The following SLC18A2 variants were observed in gnomAD, a reference collection of about 807,000 sequenced individuals.
SLC18A2 encodes synaptic vesicular amine transporter.
In SLC18A2, 33 loss-of-function variants were observed where a neutral mutation model predicts 59.2. The observed-to-expected ratio is 0.56, with a 90% CI of 0.42 to 0.75. The LOEUF (loss-of-function observed/expected upper bound fraction) is 0.75, where lower values mean the gene tolerates loss of function less well. SLC18A2 is among the 30% of genes least tolerant of loss of function. The probability of loss-of-function intolerance (pLI) is 0.00; values close to 1 mark genes in which losing one functional copy is unlikely to be tolerated. For synonymous variants in SLC18A2, 228 were observed against 253.5 expected (o/e 0.90, Z 0.95); for missense variants, 569 against 668.6 (o/e 0.85, Z 1.64).
chr10:117,268,317 T>C (rs576158022), intron 13 of SLC18A2: 1 of 152,800 alleles, frequency 6.5e-6, no homozygotes, highest in Non-Finnish European at 1.5e-5. Flanking sequence ...TCCACCCCTG[T>C]AGAAGCAGGA....
At position 117,254,004 on chromosome 10, in the gene SLC18A2, C is replaced by T. The variant is rs1395558405; in HGVS notation, c.524-44C>T. 3 of 1,582,280 alleles carry T rather than the reference C, an allele frequency of 1.9e-6. No homozygotes were observed. The South Asian group carries it at 3.3e-5, about 17-fold the overall frequency. ...ACGTTCCTGTTTGGGACGGTTGTGT[C>T]CCAGCAGCACTGATGTGCGGTCTTG... On this transcript the variant is annotated intron_variant, in intron 4 of 15. Transcript: ENST00000644641.
chr10:117,267,932 C>A, intron 13 of SLC18A2, 196 bp downstream of exon 13: 1 of 463,300 alleles, frequency 2.2e-6, no homozygotes, highest in South Asian at 4.9e-5. Context: ...TCATTTATTT[C>A]CTGAAAACCA....
intron 9 of SLC18A2, 64 bp from the exon 10 acceptor site, chr10:117,257,733 C>T: frequency 1.8e-6 from 2 of 1,082,406 alleles, no homozygotes; most frequent in Middle Eastern, 2.1e-4. Context: ...CGCATGGAGT[C>T]TAACTGTGCC....
At chr10:117,249,586 T>A (rs1048534278) in intron 3 of SLC18A2, among the ~76,000 whole-genome samples, 20 of 152,204 alleles carry the variant, frequency 1.3e-4, no homozygotes, top group Non-Finnish European at 7.3e-5. Context: ...CCTTCGGGGC[T>A]CTGTAGTCTG....
At chr10:117,255,043 C>T (rs369989972) in intron 6 of SLC18A2, among the ~76,000 whole-genome samples, 3 of 152,344 alleles carry the variant, frequency 2.0e-5, no homozygotes, top group Admixed American at 6.5e-5. Flanking sequence ...TTGTTTCTCT[C>T]GGGCCTTTGC....
intron 15 of SLC18A2, among the ~76,000 whole-genome samples, chr10:117,272,982 G>T (rs1295375552): frequency 6.6e-6 from 1 of 152,240 alleles, no homozygotes; most frequent in Non-Finnish European, 1.5e-5. Context: ...CTGGCGTTCA[G>T]GATGAGCAGT....
At chr10:117,248,755 T>C (rs1780311995) in intron 3 of SLC18A2, among the ~76,000 whole-genome samples, 1 of 152,220 alleles carries the variant, frequency 6.6e-6, no homozygotes, top group South Asian at 2.1e-4. Context: ...TATGGCATTG[T>C]GGTCTTGCTT....
chr10:117,274,511 C>T (rs546543177), intron 15 of SLC18A2, among the ~76,000 whole-genome samples: 56 of 152,256 alleles, frequency 3.7e-4, no homozygotes, highest in African/African-American at 1.1e-3. Flanking sequence ...GATGACCGTT[C>T]TTTATAAGGT....
intron 15 of SLC18A2, among the ~76,000 whole-genome samples, chr10:117,276,644 A>AAGAAACAAAGAC (rs1844497437): frequency 7.5e-6 from 1 of 132,750 alleles, no homozygotes. Flanking sequence ...GAAAGAAAGA[A>AAGAAACAAAGAC]AGAAAGAAAA....
chr10:117,263,900 T>C (rs554911877), intron 10 of SLC18A2, among the ~76,000 whole-genome samples: 50 of 151,844 alleles, frequency 3.3e-4, no homozygotes, highest in Middle Eastern at 3.4e-3. Context: ...GCCAGCCTTC[T>C]GTGGCTCTGG....
intron 15 of SLC18A2, among the ~76,000 whole-genome samples, chr10:117,274,539 G>A (rs902887337): frequency 3.3e-5 from 5 of 152,164 alleles, no homozygotes; most frequent in African/African-American, 9.7e-5. Context: ...CTGCCTGGGA[G>A]CCGTGCAAGG....
intron 10 of SLC18A2, among the ~76,000 whole-genome samples, chr10:117,261,195 A>AAAAAC (rs140069884): frequency 0.013 from 538 of 40,030 alleles, 4 homozygotes; most frequent in Middle Eastern, 0.034. Flanking sequence ...CTGTCTCTAC[A>AAAAAC]AAAACAAAAC....
Position 117,269,180 on chromosome 10 carries a change from CACAT to C in SLC18A2, c.1187-887_1187-884del, listed in dbSNP as rs1185583253. On this transcript the variant is annotated intron_variant, in intron 13 of 15. Transcript: ENST00000644641. This position sits in a 1 kb window ranked among gnomAD's most constrained non-coding sequence, Gnocchi z 5.1. ...GCACACATACACACATACATATACA[CACAT>C]ACACACACACCTACACACATACACA... Among the ~76,000 whole-genome samples, 3 of 144,746 alleles carry C rather than the reference CACAT, an allele frequency of 2.1e-5. No homozygotes were observed. Among genetic ancestry groups the C allele is most frequent in the South Asian group, 2.3e-4 (1 of 4,418 alleles). The allele number at this position is 144,746 out of a possible 152,430, so 95.0% of individuals were successfully genotyped here.
chr10:117,270,370 T>C lies in SLC18A2; in HGVS notation c.1347T>C (p.Phe449=). The C allele has an allele frequency of 6.2e-7, 1 of 1,614,222 alleles. No homozygotes were observed. Among genetic ancestry groups the C allele is most frequent in the African/African-American group, 1.3e-5 (1 of 75,068 alleles). ...AGGAIAKAIG[F]PWLMTIIGII... is the part of the protein sequence containing the mutation. ...GTGCTATTGCAAAGGCAATTGGATTTCCATGGCTCATGACAATTATTGGGA... is the reference window on the plus strand; with the variant it reads ...GTGCTATTGCAAAGGCAATTGGATTCCCATGGCTCATGACAATTATTGGGA... Residue 449 remains phenylalanine, a synonymous_variant, in exon 15 of 16, where the codon TTT becomes TTC. Transcript: ENST00000644641.
chr10:117,267,951 T>A, intron 13 of SLC18A2: 1 of 448,030 alleles, frequency 2.2e-6, no homozygotes, highest in Non-Finnish European at 4.1e-6. Flanking sequence ...CAGTATTTTT[T>A]AAAAGCTGAT....
At chr10:117,249,994 T>A (rs1844144332) in intron 3 of SLC18A2, among the ~76,000 whole-genome samples, 3 of 152,144 alleles carry the variant, frequency 2.0e-5, no homozygotes. Context: ...AGACACAGAT[T>A]GTGACTAATG....
intron 15 of SLC18A2, among the ~76,000 whole-genome samples, chr10:117,276,577 G>A (rs1356695303): frequency 1.3e-4 from 16 of 119,482 alleles, no homozygotes; most frequent in African/African-American, 4.6e-4. Flanking sequence ...TCACAACACC[G>A]CACTCCAACC....
intron 3 of SLC18A2, among the ~76,000 whole-genome samples, chr10:117,249,891 G>A (rs912677750): frequency 2.0e-5 from 3 of 152,156 alleles, no homozygotes; most frequent in Non-Finnish European, 4.4e-5. Context: ...GGGCCAGTAT[G>A]ACATTTGGCT....
intron 3 of SLC18A2, among the ~76,000 whole-genome samples, chr10:117,249,831 T>G (rs930503499): frequency 1.0e-5 from 1 of 96,070 alleles, no homozygotes; most frequent in Admixed American, 1.1e-4. Flanking sequence ...ATTTTTAGTC[T>G]TACTCAAATT....
Sources: gnomAD v4.1 joint callset for allele counts (sites outside exome capture counted in the v4.1 genomes callset) on GRCh38, gnomAD v4.1.1 for gene constraint, Gnocchi (gnomAD v3.1) non-coding constraint, MANE v1.5 for transcripts, NCBI Gene and HGNC (gene_info 2026-07-23, HGNC 2026-07-21) for gene names.